The following ARHGAP22 variants were observed in gnomAD, a reference collection of about 807,000 sequenced individuals.
The protein encoded by ARHGAP22 is rho GTPase-activating protein 22.
In ARHGAP22, 48 loss-of-function variants were observed where a neutral mutation model predicts 59.1. The ratio of observed to expected loss-of-function variants is 0.81; its 90% CI spans 0.64 to 1.03. The LOEUF is 1.03. Among genes scored for constraint, ARHGAP22 ranks in the 50% least tolerant of loss-of-function variants. The probability of loss-of-function intolerance (pLI) is 0.00; values close to 1 mark genes in which losing one functional copy is unlikely to be tolerated. For missense variants in ARHGAP22, 1,015 were observed against 958.7 expected (o/e 1.06, Z -0.78); for synonymous variants, 445 against 416.4 (o/e 1.07, Z -0.84).
At chr10:48,509,239 T>A (rs1347816073) in intron 3 of ARHGAP22, among the ~76,000 whole-genome samples, 1 of 152,148 alleles carries the variant, frequency 6.6e-6, no homozygotes, top group African/African-American at 2.4e-5. Context: ...TGGCGCAGGA[T>A]GTGCTCCTGG....
At position 48,449,580 on chromosome 10, in the gene ARHGAP22, C is replaced by G. The variant is rs1342905870; in HGVS notation, c.1868+681G>C. 2.0e-5 allele frequency among the ~76,000 whole-genome samples: 3 copies of G among 152,330 alleles called. No individual in the cohort carries two copies. The East Asian group carries it at 5.8e-4, about 29-fold the overall frequency. On this transcript the variant is annotated intron_variant, in intron 9 of 9. Transcript: ENST00000249601. ...AACAGGTCGGCCAGCTAACGGGGACCTGCAGCCAGAGGGACCAAGGAGTCT... is the reference window on the plus strand; with the variant it reads ...AACAGGTCGGCCAGCTAACGGGGACGTGCAGCCAGAGGGACCAAGGAGTCT...
chr10:48,583,581 A>C (rs1371243841), intron 1 of ARHGAP22, among the ~76,000 whole-genome samples: 1 of 152,214 alleles, frequency 6.6e-6, no homozygotes, highest in Non-Finnish European at 1.5e-5. Flanking sequence ...TGTGCATAGA[A>C]CCGTTCTAGT....
intron 4 of ARHGAP22, among the ~76,000 whole-genome samples, chr10:48,476,306 C>T (rs1323074252): frequency 6.6e-6 from 1 of 152,234 alleles, no homozygotes; most frequent in East Asian, 1.9e-4. Context: ...CCCCTGACCA[C>T]TGGCTGCTCC....
intron 1 of ARHGAP22, among the ~76,000 whole-genome samples, chr10:48,643,617 G>A (rs148829722): frequency 2.0e-5 from 3 of 151,300 alleles, no homozygotes; most frequent in Non-Finnish European, 2.9e-5. Flanking sequence ...TTGGTGGGAG[G>A]GGGGAGGGAG....
chr10:48,572,183 TCCAA>T (rs3998508), intron 2 of ARHGAP22, among the ~76,000 whole-genome samples: 58,426 of 151,734 alleles, frequency 0.39, 12,630 homozygotes, highest in East Asian at 0.89. Flanking sequence ...CCAAGGCCAT[TCCAA>T]CCAACCAACA....
At chr10:48,456,760 T>C (rs1353881280) in intron 5 of ARHGAP22, among the ~76,000 whole-genome samples, 1 of 152,130 alleles carries the variant, frequency 6.6e-6, no homozygotes, top group African/African-American at 2.4e-5. Flanking sequence ...TGCTTGGCCC[T>C]GCCTGACCCC....
intron 1 of ARHGAP22, among the ~76,000 whole-genome samples, chr10:48,586,357 G>C (rs532757977): frequency 6.6e-6 from 1 of 152,320 alleles, no homozygotes; most frequent in Admixed American, 6.5e-5. Flanking sequence ...ACCCAGCAGG[G>C]CAAGCTGGCA....
intron 3 of ARHGAP22, among the ~76,000 whole-genome samples, chr10:48,539,290 C>CTTTTTTTTTTTTTT (rs553835954): frequency 7.0e-5 from 9 of 129,332 alleles, no homozygotes; most frequent in East Asian, 3.1e-4. Context: ...AGAAGGGTAA[C>CTTTTTTTTTTTTTT]ATTTTTTTTT....
rs1588874763 is a variant in ARHGAP22 at position 48,573,405 on chromosome 10, A to C, written c.234+9548T>G. ...CCTGGTTACTCAAGAGAAATCTGCC[A>C]TTTTTCTCTATCACGCAAGATCCTG... On this transcript the variant is annotated intron_variant, in intron 2 of 9. Coordinates refer to ENST00000249601, the MANE Select transcript of ARHGAP22 (RefSeq NM_021226.4). Among the ~76,000 whole-genome samples the C allele has an allele frequency of 2.6e-5, 4 of 152,142 alleles. No individual in the cohort carries two copies. In the East Asian group the frequency reaches 7.7e-4, roughly 29 times the overall value.
intron 3 of ARHGAP22, among the ~76,000 whole-genome samples, chr10:48,530,252 A>G (rs1328908750): frequency 2.0e-5 from 3 of 151,364 alleles, no homozygotes; most frequent in Non-Finnish European, 4.4e-5. Flanking sequence ...AAAAAAAAAA[A>G]AAAAAAAAAT....
At chr10:48,609,541 G>A (rs1194433613), upstream of ARHGAP22, among the ~76,000 whole-genome samples, 23 of 152,166 alleles carry the variant, frequency 1.5e-4, no homozygotes, top group African/African-American at 4.8e-5. Flanking sequence ...AGTATCTTGA[G>A]AGAAAGAGAA....
At chr10:48,633,691 TG>T (rs972374432) in intron 1 of ARHGAP22, among the ~76,000 whole-genome samples, 2 of 152,194 alleles carry the variant, frequency 1.3e-5, no homozygotes, top group African/African-American at 4.8e-5. Context: ...TTACATTTTG[TG>T]GGAAAATGAT....
chr10:48,449,962 C>T (rs1468156811), intron 9 of ARHGAP22, among the ~76,000 whole-genome samples: 1 of 152,258 alleles, frequency 6.6e-6, no homozygotes, highest in African/African-American at 2.4e-5. Context: ...AGACTGCACA[C>T]TGACTCTGTT....
Position 48,460,089 on chromosome 10 carries a change from C to A in ARHGAP22, c.452-198G>T, listed in dbSNP as rs539646978. Among the ~76,000 whole-genome samples, 9 of 152,336 alleles carry A rather than the reference C, an allele frequency of 5.9e-5. No individual in the cohort carries two copies. In the South Asian group the frequency reaches 1.9e-3, roughly 32 times the overall value. On this transcript the variant is annotated intron_variant, in intron 4 of 9. Coordinates refer to ENST00000249601, the MANE Select transcript of ARHGAP22 (RefSeq NM_021226.4). ...TGCTGGGAGGATGCACACCAGGAGG[C>A]TGGGCCCTGGGCTGCCTGTGGACAG...
At chr10:48,559,220 G>A (rs774638565) in intron 2 of ARHGAP22, among the ~76,000 whole-genome samples, 4 of 152,184 alleles carry the variant, frequency 2.6e-5, no homozygotes, top group Non-Finnish European at 5.9e-5. Flanking sequence ...CACCTAGAAC[G>A]GCAGTTTGCA....
chr10:48,493,544 TG>T, intron 3 of ARHGAP22: 1 of 1,525,356 alleles, frequency 6.6e-7, no homozygotes, highest in South Asian at 1.2e-5. Flanking sequence ...ACACACCTGT[TG>T]GGGTGCAGAA....
intron 2 of ARHGAP22, among the ~76,000 whole-genome samples, chr10:48,576,075 C>T (rs1288083006): frequency 2.0e-5 from 3 of 152,218 alleles, no homozygotes; most frequent in African/African-American, 7.2e-5. Flanking sequence ...AGCCCCTTTA[C>T]AGGAGTCCTC....
At chr10:48,584,408 A>G (rs1230791337) in intron 1 of ARHGAP22, among the ~76,000 whole-genome samples, 2 of 152,328 alleles carry the variant, frequency 1.3e-5, no homozygotes, top group African/African-American at 2.4e-5. Flanking sequence ...GAGCCAACTC[A>G]AAGGACACTT....
chr10:48,487,675 C>T (rs1346991807), intron 3 of ARHGAP22, among the ~76,000 whole-genome samples: 2 of 152,196 alleles, frequency 1.3e-5, no homozygotes, highest in Non-Finnish European at 2.9e-5. Context: ...CCTACTGACA[C>T]CTTGATTTAA....
Sources: allele counts gnomAD v4.1 joint callset (sites outside exome capture counted in the v4.1 genomes callset), GRCh38; gene constraint gnomAD v4.1.1; transcripts MANE v1.5; gene names NCBI Gene and HGNC (gene_info 2026-07-23, HGNC 2026-07-21).